ATXN1: variants seen among roughly 807,000 people sequenced by gnomAD.
The protein encoded by ATXN1 is ataxin-1.
Under a neutral mutation model 56.4 loss-of-function variants are expected in ATXN1, and 8 were observed. That is an observed-to-expected ratio of 0.14 (90% CI 0.08 to 0.26). ATXN1 has a LOEUF of 0.26. ATXN1 is among the 10% of genes least tolerant of loss of function. ATXN1 has a pLI of 1.00. For synonymous variants in ATXN1, 514 were observed against 494.6 expected, an observed-to-expected ratio of 1.04 and a Z score of -0.52; for missense variants, 987 against 1,106.5, an observed-to-expected ratio of 0.89 and a Z score of 1.53.
At chr6:16,436,906 G>A (rs1759405692) in intron 6 of ATXN1, among the ~76,000 whole-genome samples, 2 of 152,164 alleles carry the variant, frequency 1.3e-5, no homozygotes, top group Non-Finnish European at 2.9e-5. Context: ...CTACTCAGGA[G>A]GTTACTGATG....
chr6:16,445,091 C>T (rs1379718473), intron 6 of ATXN1, among the ~76,000 whole-genome samples: 1 of 151,930 alleles, frequency 6.6e-6, no homozygotes, highest in Non-Finnish European at 1.5e-5. Flanking sequence ...GTTTAGGAGA[C>T]CGAAATGACC....
chr6:16,378,797 C>G (rs148065439), intron 6 of ATXN1, among the ~76,000 whole-genome samples: 2,516 of 152,144 alleles, frequency 0.017, 37 homozygotes, highest in Non-Finnish European at 0.022. Flanking sequence ...TGGGTTCAAG[C>G]AGTCCTCCCA....
intron 6 of ATXN1, among the ~76,000 whole-genome samples, chr6:16,473,132 A>G (rs1323469748): frequency 6.6e-6 from 1 of 152,206 alleles, no homozygotes; most frequent in African/African-American, 2.4e-5. Context: ...AATGAAAAAA[A>G]TTAGAAAACT....
chr6:16,746,807 T>C (rs1482784449), intron 2 of ATXN1, among the ~76,000 whole-genome samples: 3 of 152,134 alleles, frequency 2.0e-5, no homozygotes, highest in Admixed American at 6.5e-5. Flanking sequence ...CAGCAAATGA[T>C]GTTTGACAGA....
At chr6:16,526,751 G>A (rs1466031240) in intron 4 of ATXN1, among the ~76,000 whole-genome samples, 6 of 131,660 alleles carry the variant, frequency 4.6e-5, no homozygotes, top group African/African-American at 1.4e-4. Flanking sequence ...GGCAACAAGA[G>A]CAAAACTTCA....
At chr6:16,679,093 T>C (rs1446357341) in intron 2 of ATXN1, among the ~76,000 whole-genome samples, 1 of 150,404 alleles carries the variant, frequency 6.6e-6, no homozygotes, top group Non-Finnish European at 1.5e-5. Context: ...GATGAATAGA[T>C]GGATGGATAG....
At chr6:16,531,909 G>A (rs577856272) in intron 4 of ATXN1, among the ~76,000 whole-genome samples, 55 of 152,046 alleles carry the variant, frequency 3.6e-4, no homozygotes, top group African/African-American at 4.6e-4. Flanking sequence ...TTATATATAC[G>A]GTTCTAAAAA....
intron 2 of ATXN1, among the ~76,000 whole-genome samples, chr6:16,690,742 G>A (rs1759026921): frequency 6.6e-6 from 1 of 152,134 alleles, no homozygotes; most frequent in Admixed American, 6.5e-5. Flanking sequence ...TGGAAAGAGG[G>A]AGAGTGACCT....
At chr6:16,443,019 A>G (rs1350223518) in intron 6 of ATXN1, among the ~76,000 whole-genome samples, 1 of 151,834 alleles carries the variant, frequency 6.6e-6, no homozygotes, top group African/African-American at 2.4e-5. Flanking sequence ...CTGGAAAAAC[A>G]AACAAACAAA....
intron 4 of ATXN1, among the ~76,000 whole-genome samples, chr6:16,556,491 G>C (rs1304133831): frequency 6.6e-6 from 1 of 152,154 alleles, no homozygotes; most frequent in Non-Finnish European, 1.5e-5. Context: ...GTCAATGCTG[G>C]TAAGAAAAAT....
intron 6 of ATXN1, among the ~76,000 whole-genome samples, chr6:16,398,228 A>C (rs981916727): frequency 1.4e-4 from 22 of 152,200 alleles, no homozygotes; most frequent in Non-Finnish European, 2.9e-4. Flanking sequence ...CAAAGGCAGA[A>C]ATTACATCCC....
intron 3 of ATXN1, among the ~76,000 whole-genome samples, chr6:16,591,062 G>C (rs539363170): frequency 3.3e-5 from 5 of 151,974 alleles, no homozygotes. Context: ...GGATGGTCTC[G>C]ACCAGCATGT....
chr6:16,334,539 G>A (rs956067356), intron 6 of ATXN1, among the ~76,000 whole-genome samples: 1 of 152,008 alleles, frequency 6.6e-6, no homozygotes, highest in Non-Finnish European at 1.5e-5. Flanking sequence ...AACATATCGA[G>A]ATCCTGTCTC....
chr6:16,557,150 C>T (rs1163758131), intron 4 of ATXN1, among the ~76,000 whole-genome samples: 3 of 151,884 alleles, frequency 2.0e-5, no homozygotes, highest in Admixed American at 6.6e-5. Context: ...CATGGTAAAA[C>T]GCCGTCTCTA....
chr6:16,475,797 G>A (rs1760314522), intron 6 of ATXN1, among the ~76,000 whole-genome samples: 2 of 152,058 alleles, frequency 1.3e-5, no homozygotes, highest in South Asian at 4.2e-4. Context: ...AGAGAACCCA[G>A]GTGTCCCTTC....
intron 2 of ATXN1, among the ~76,000 whole-genome samples, chr6:16,726,499 C>T (rs556562607): frequency 8.9e-4 from 135 of 152,082 alleles, no homozygotes; most frequent in Non-Finnish European, 1.8e-3. Flanking sequence ...AACTTCTCTT[C>T]GTAGATGATA....
At chr6:16,574,347 A>G (rs1736753179) in intron 4 of ATXN1, among the ~76,000 whole-genome samples, 1 of 152,214 alleles carries the variant, frequency 6.6e-6, no homozygotes, top group East Asian at 1.9e-4. Flanking sequence ...CTGGGATTAC[A>G]GGCATGCGCC....
chr6:16,555,388 A>G (rs939715015), intron 4 of ATXN1, among the ~76,000 whole-genome samples: 1 of 152,198 alleles, frequency 6.6e-6, no homozygotes, highest in Admixed American at 6.5e-5. Context: ...AAAGTTCAGT[A>G]GCTTGGTCAA....
chr6:16,598,472 CT>C (rs1762856484), intron 3 of ATXN1, among the ~76,000 whole-genome samples: 1 of 152,236 alleles, frequency 6.6e-6, no homozygotes. Flanking sequence ...CTTTCCAGCT[CT>C]GTCACTTTGA....
Sources: gnomAD v4.1 joint callset for allele counts (sites outside exome capture counted in the v4.1 genomes callset) on GRCh38, gnomAD v4.1.1 for gene constraint, MANE v1.5 for transcripts, NCBI Gene and HGNC (gene_info 2026-07-23, HGNC 2026-07-21) for gene names.